The following LPIN1 variants were observed in gnomAD, a reference collection of about 807,000 sequenced individuals.
The protein encoded by LPIN1 is lipin 1.
LPIN1 carries 71 observed loss-of-function variants against 107.5 expected under a neutral mutation model. The ratio of observed to expected loss-of-function variants is 0.66; its 90% CI spans 0.55 to 0.80. The LOEUF (loss-of-function observed/expected upper bound fraction) is 0.80, where lower values mean the gene tolerates loss of function less well. LPIN1 is among the 30% of genes least tolerant of loss of function. The probability of loss-of-function intolerance (pLI) is 0.00; values close to 1 mark genes in which losing one functional copy is unlikely to be tolerated. For synonymous variants in LPIN1, 445 were observed against 452.6 expected (o/e 0.98, Z 0.21); for missense variants, 1,043 against 1,160.6 (o/e 0.90, Z 1.47).
At chr2:11,756,947 A>G (rs1668779169) in intron 1 of LPIN1, among the ~76,000 whole-genome samples, 1 of 152,246 alleles carries the variant, frequency 6.6e-6, no homozygotes, top group African/African-American at 2.4e-5. Flanking sequence ...GAAAAAACTT[A>G]CATGTTTCTT....
At chr2:11,785,549 G>A (rs1369409354) in intron 10 of LPIN1, among the ~76,000 whole-genome samples, 1 of 152,138 alleles carries the variant, frequency 6.6e-6, no homozygotes, top group Non-Finnish European at 1.5e-5. Flanking sequence ...GCACTCCCAG[G>A]GCCTCCTGAC....
At chr2:11,761,261 A>G (rs1669786438) in intron 1 of LPIN1, among the ~76,000 whole-genome samples, 1 of 152,216 alleles carries the variant, frequency 6.6e-6, no homozygotes, top group Non-Finnish European at 1.5e-5. Context: ...ACAAAGAATC[A>G]TTTCTTATAT....
chr2:11,713,621 A>G (rs939120033), intron 1 of LPIN1: 19 of 588,810 alleles, frequency 3.2e-5, no homozygotes, highest in East Asian at 5.6e-5. Flanking sequence ...TATAGCCTAC[A>G]TACCACCGAA....
intron 1 of LPIN1, among the ~76,000 whole-genome samples, chr2:11,696,180 C>T (rs1662568654): frequency 6.6e-6 from 1 of 151,718 alleles, no homozygotes; most frequent in Non-Finnish European, 1.5e-5. Context: ...AGTTCCCTCC[C>T]CTTACCCCCG....
At chr2:11,716,313 C>T (rs1301998354) in intron 2 of LPIN1, among the ~76,000 whole-genome samples, 1 of 152,030 alleles carries the variant, frequency 6.6e-6, no homozygotes, top group Non-Finnish European at 1.5e-5. Flanking sequence ...TCCTAAATTC[C>T]AGGAATGTTT....
At chr2:11,755,994 C>T (rs1462391917) in intron 1 of LPIN1, among the ~76,000 whole-genome samples, 3 of 152,010 alleles carry the variant, frequency 2.0e-5, no homozygotes, top group Admixed American at 6.6e-5. Context: ...GTGCTGGGAT[C>T]ACAGGCATAA....
chr2:11,823,376 G>A (rs1035042888), intron 20 of LPIN1, among the ~76,000 whole-genome samples: 8 of 152,174 alleles, frequency 5.3e-5, no homozygotes, highest in Non-Finnish European at 8.8e-5. Flanking sequence ...CCTTAAAGCC[G>A]GGAGGTATTT....
chr2:11,706,666 G>A (rs1412525900), intron 1 of LPIN1, among the ~76,000 whole-genome samples: 1 of 152,200 alleles, frequency 6.6e-6, no homozygotes. Context: ...ATTATAACAA[G>A]GGCTTAGATC....
At chr2:11,773,155 T>G (rs1672127079) in intron 4 of LPIN1, among the ~76,000 whole-genome samples, 1 of 152,218 alleles carries the variant, frequency 6.6e-6, no homozygotes, top group African/African-American at 2.4e-5. Context: ...TCGTAAGGCA[T>G]GTTTGGTTGA....
chr2:11,763,573 C>T (rs545414669), intron 1 of LPIN1, among the ~76,000 whole-genome samples: 78 of 152,288 alleles, frequency 5.1e-4, no homozygotes, highest in Non-Finnish European at 9.8e-4. Context: ...CCTAGTCTTC[C>T]TGCCGTCAGG....
intron 3 of LPIN1, among the ~76,000 whole-genome samples, chr2:11,770,265 G>A (rs185948417): frequency 1.3e-3 from 199 of 152,348 alleles, no homozygotes; most frequent in Non-Finnish European, 2.1e-3. Context: ...CAGGGTGCCT[G>A]TGGGTGGGGT....
rs1355003802 is a variant in LPIN1 at position 11,815,190 on chromosome 2, C to T, written c.2352C>T (p.Pro784=). 1.2e-6 allele frequency: 2 copies of T among 1,614,060 alleles called. No individual in the cohort carries two copies. The highest frequency in any genetic ancestry group is 8.5e-7 in the Non-Finnish European group (1 of 1,180,034). Residue 784 remains proline (P), a synonymous_variant, in exon 18 of 21, where the codon CCC becomes CCT. Transcript: ENST00000674199. ...TCAACGAGAGGGGCACGGTGCTGCCCCAGGGGCCCCTGCTGCTGAGTCCCA... is the reference window on the plus strand; with the variant it reads ...TCAACGAGAGGGGCACGGTGCTGCCTCAGGGGCCCCTGCTGCTGAGTCCCA... ...HWVNERGTVL[P]QGPLLLSPSS...
chr2:11,807,021 G>T (rs758072281), intron 17 of LPIN1, among the ~76,000 whole-genome samples: 1 of 152,118 alleles, frequency 6.6e-6, no homozygotes, highest in African/African-American at 2.4e-5. Context: ...ATTGATGAAC[G>T]TGTAGGTAGT....
chr2:11,788,778 G>A (rs1435836785), intron 12 of LPIN1, among the ~76,000 whole-genome samples: 1 of 152,220 alleles, frequency 6.6e-6, no homozygotes, highest in African/African-American at 2.4e-5. Flanking sequence ...TGAGGACAAA[G>A]GGAGATGATT....
intron 14 of LPIN1, among the ~76,000 whole-genome samples, chr2:11,799,604 T>C (rs1398650503): frequency 6.6e-6 from 1 of 151,920 alleles, no homozygotes; most frequent in African/African-American, 2.4e-5. Flanking sequence ...GTGTTAGAAC[T>C]GGAAGGGACT....
intron 1 of LPIN1, among the ~76,000 whole-genome samples, chr2:11,708,673 C>A (rs1350511279): frequency 3.3e-5 from 5 of 152,064 alleles, no homozygotes; most frequent in African/African-American, 1.2e-4. Context: ...AGTTAGGTAC[C>A]CTTGCTTTGG....
chr2:11,707,658 T>G lies in LPIN1; in HGVS notation c.82-6098T>G, dbSNP rs373089156. Reference sequence around the variant, plus strand: ...GTGGTGGTGCACGCACGGGGAGAAGTGCTCGGGGTCCCCCACTGGAGGTGG... The same window carrying G: ...GTGGTGGTGCACGCACGGGGAGAAGGGCTCGGGGTCCCCCACTGGAGGTGG... On this transcript the variant is annotated intron_variant, in intron 1 of 21. Coordinates refer to the LPIN1 transcript ENST00000449576. The surrounding 1 kb of genome is among the most constrained non-coding windows in gnomAD (Gnocchi z 4.2). Among the ~76,000 whole-genome samples the G allele has an allele frequency of 1.3e-5, 2 of 152,190 alleles. No individual in the cohort carries two copies. The highest frequency in any genetic ancestry group is 2.1e-4 in the South Asian group (1 of 4,808).
chr2:11,693,125 C>T (rs575727637), intron 1 of LPIN1, among the ~76,000 whole-genome samples: 75 of 151,570 alleles, frequency 4.9e-4, no homozygotes, highest in African/African-American at 1.6e-3. Context: ...ATAGAAAAGG[C>T]GGGGCACTCG....
chr2:11,790,422 GCT>G (rs1417270527), intron 12 of LPIN1, among the ~76,000 whole-genome samples: 2 of 152,210 alleles, frequency 1.3e-5, no homozygotes, highest in Non-Finnish European at 2.9e-5. Context: ...GGTAGGGGCA[GCT>G]CTCTCATAGT....
Sources: gnomAD v4.1 joint callset for allele counts (sites outside exome capture counted in the v4.1 genomes callset) on GRCh38, gnomAD v4.1.1 for gene constraint, Gnocchi (gnomAD v3.1) non-coding constraint, MANE v1.5 for transcripts, NCBI Gene and HGNC (gene_info 2026-07-23, HGNC 2026-07-21) for gene names.